Variants in ZP3 observed in about 807,000 individuals in gnomAD.
The protein encoded by ZP3 is zona pellucida sperm-binding protein 3.
ZP3 carries 21 observed loss-of-function variants against 35.6 expected under a neutral mutation model. The ratio of observed to expected loss-of-function variants is 0.59; its 90% CI spans 0.42 to 0.85. ZP3 has a LOEUF of 0.85. Ranked by LOEUF, ZP3 falls within the 40% of genes least tolerant of loss-of-function variation. The probability of loss-of-function intolerance (pLI) is 0.00; values close to 1 mark genes in which losing one functional copy is unlikely to be tolerated. For missense variants in ZP3, 437 were observed against 536.5 expected, an observed-to-expected ratio of 0.81 and a Z score of 1.83; for synonymous variants, 207 against 214.5, an observed-to-expected ratio of 0.96 and a Z score of 0.31.
Position 76,417,946 on chromosome 7 carries a change from T to C in ZP3, c.-66-7106T>C, listed in dbSNP as rs1313011854. On this transcript the variant is annotated intron_variant, in intron 1 of 8. Transcript: ENST00000336517. ...GTGCTTTCTTTCTTTCTTTCTTTTT[T>C]TTTTTTTTTGAGACACAATCTCACT... 6.3e-4 allele frequency among the ~76,000 whole-genome samples: 95 copies of C among 151,172 alleles called. 1 individual carries two copies. Among genetic ancestry groups the C allele is most frequent in the African/African-American group, 1.9e-3 (78 of 41,190 alleles).
chr7:76,405,271 TTA>T (rs1171830870), intron 1 of ZP3, among the ~76,000 whole-genome samples: 201 of 9,116 alleles, frequency 0.022, 1 homozygote, highest in Non-Finnish European at 0.035. Flanking sequence ...ACCCAGCTAA[TTA>T]TATATATATA....
chr7:76,441,682 C>G (rs1806204094), intron 7 of ZP3, among the ~76,000 whole-genome samples, 160 bp from the exon 8 acceptor site: 1 of 152,188 alleles, frequency 6.6e-6, no homozygotes, highest in South Asian at 2.1e-4. Context: ...GCCATCACAC[C>G]TGGCCGAGAA....
At chr7:76,406,550 C>A (rs1347954733) in intron 1 of ZP3, among the ~76,000 whole-genome samples, 1 of 151,964 alleles carries the variant, frequency 6.6e-6, no homozygotes, top group Non-Finnish European at 1.5e-5. Flanking sequence ...GTGGCATGAT[C>A]ATGGCTCACT....
At chr7:76,421,606 AT>A (rs200023159), upstream of ZP3, among the ~76,000 whole-genome samples, 4,027 of 142,998 alleles carry the variant, frequency 0.028, 98 homozygotes, top group East Asian at 0.13. Context: ...TATATGTATA[AT>A]TTTTTTTTTT....
chr7:76,429,605 G>A lies in ZP3; in HGVS notation c.403G>A (p.Glu135Lys). The A allele has an allele frequency of 2.5e-6, 4 of 1,614,098 alleles. No individual in the cohort carries two copies. The highest frequency in any genetic ancestry group is 3.4e-6 in the Non-Finnish European group (4 of 1,179,974). The change falls in exon 2 of 8, where the codon GAG (glutamate) becomes AAG (lysine). Residue 135 changes from glutamate to lysine, a missense_variant. Transcript: ENST00000394857. ...NLSIVRTNRAEIPIECRYPRQ... is the reference protein window; with the variant it reads ...NLSIVRTNRAKIPIECRYPRQ... ...GTCCATCGTGAGGACTAACCGCGCA[G>A]AGATTCCCATCGAGTGCCGCTACCC...
chr7:76,427,226 C>T (rs529560637), intron 1 of ZP3, among the ~76,000 whole-genome samples: 1 of 152,086 alleles, frequency 6.6e-6, no homozygotes, highest in African/African-American at 2.4e-5. Context: ...GTGAGAATCA[C>T]CTGCGGCTGG....
intron 1 of ZP3, among the ~76,000 whole-genome samples, chr7:76,406,564 A>T (rs1584035243): frequency 6.6e-6 from 1 of 151,422 alleles, no homozygotes. Flanking sequence ...GCTCACTGCA[A>T]CCTCCCTATC....
chr7:76,430,619 C>T (rs1290678185), intron 2 of ZP3, among the ~76,000 whole-genome samples: 7 of 152,176 alleles, frequency 4.6e-5, no homozygotes, highest in Non-Finnish European at 5.9e-5. Context: ...CCTGTAATCT[C>T]AGCTACTCAG....
intron 1 of ZP3, chr7:76,404,237 A>G: frequency 6.8e-7 from 1 of 1,464,034 alleles, no homozygotes; most frequent in Admixed American, 2.7e-5. Context: ...TCCTCCTACT[A>G]TAAAGTTACA....
At chr7:76,417,453 A>T (rs1010786489) in intron 1 of ZP3, among the ~76,000 whole-genome samples, 2 of 152,130 alleles carry the variant, frequency 1.3e-5, no homozygotes, top group Non-Finnish European at 2.9e-5. Flanking sequence ...TGGAAACAGA[A>T]TTAATGAATT....
chr7:76,440,087 T>C (rs1806149921), intron 5 of ZP3, 163 bp from the exon 6 acceptor site: 10 of 1,342,140 alleles, frequency 7.5e-6, no homozygotes, highest in Non-Finnish European at 9.1e-6. Context: ...CCTCAGGTGA[T>C]CTACCCGCCT....
chr7:76,435,996 T>TTA (rs1487408997), intron 5 of ZP3, among the ~76,000 whole-genome samples: 1 of 149,328 alleles, frequency 6.7e-6, no homozygotes, highest in Non-Finnish European at 1.5e-5. Context: ...AGTGCTGGGA[T>TTA]TATAGGCATG....
chr7:76,406,696 T>C (rs977178151), intron 1 of ZP3, among the ~76,000 whole-genome samples: 1 of 151,806 alleles, frequency 6.6e-6, no homozygotes, highest in African/African-American at 2.4e-5. Context: ...TCTCGTGCTG[T>C]GTTACTCAGG....
At chr7:76,413,128 A>T (rs188381055) in intron 1 of ZP3, among the ~76,000 whole-genome samples, 1 of 151,198 alleles carries the variant, frequency 6.6e-6, no homozygotes, top group East Asian at 2.0e-4. Flanking sequence ...GCGCCCAGCT[A>T]ATTGTTCTAT....
At chr7:76,397,776 T>C in exon 1 of ZP3, 1 of 1,611,230 alleles carries the variant, frequency 6.2e-7, no homozygotes, top group South Asian at 1.1e-5. Flanking sequence ...CTGTGCAGGA[T>C]CTCCACTCGG....
rs527689556 is a variant in ZP3 at position 76,404,213 on chromosome 7, C to T, written c.-67+6416C>T. On this transcript the variant is annotated intron_variant, in intron 1 of 8. Transcript: ENST00000336517. ...CATTGGAAAGAACAACAGGAACGAGCTCATTCACAACCCTCCTCCTACTAT... is the reference window on the plus strand; with the variant it reads ...CATTGGAAAGAACAACAGGAACGAGTTCATTCACAACCCTCCTCCTACTAT... The T allele has an allele frequency of 1.5e-3, 2,179 of 1,427,710 alleles. 3 individuals are homozygous for T. Among genetic ancestry groups the T allele is most frequent in the Non-Finnish European group, 1.8e-3 (1,972 of 1,080,402 alleles). The allele number at this position is 1,427,710 out of a possible 1,614,324, so 88.4% of individuals were successfully genotyped here.
chr7:76,426,924 G>T, intron 1 of ZP3, among the ~76,000 whole-genome samples: 1 of 84,756 alleles, frequency 1.2e-5, no homozygotes, highest in South Asian at 3.3e-4. Context: ...GTGTGGTGGC[G>T]CCTGCCTTTA....
chr7:76,397,914 A>AG (rs1378169791), intron 1 of ZP3: 36 of 1,374,020 alleles, frequency 2.6e-5, no homozygotes, highest in Non-Finnish European at 3.2e-5. Flanking sequence ...CCGGTGTCCC[A>AG]GGATCTACAA....
chr7:76,441,833 C>CT lies in ZP3; in HGVS notation c.1061-6dup, dbSNP rs768200391. The CT allele has an allele frequency of 2.5e-6, 4 of 1,613,830 alleles. No homozygotes were observed. In the East Asian group the frequency reaches 8.9e-5, roughly 36 times the overall value. ...AGATAACCCTTGGTTGTGTGTTCTC[C>CT]TTTCACAGTGACAGAAGAAGCAGAT... On this transcript the variant is annotated splice_polypyrimidine_tract_variant and intron_variant, in intron 7 of 7. Transcript: ENST00000394857.
Sources: gnomAD v4.1 joint callset for allele counts (sites outside exome capture counted in the v4.1 genomes callset) on GRCh38, gnomAD v4.1.1 for gene constraint, MANE v1.5 for transcripts, NCBI Gene and HGNC (gene_info 2026-07-23, HGNC 2026-07-21) for gene names.